POTEF: variants seen among roughly 807,000 people sequenced by gnomAD.
POTEF encodes ANKRD26-like family C member 1B.
Under a neutral mutation model 83.2 loss-of-function variants are expected in POTEF, and 20 were observed. The ratio of observed to expected loss-of-function variants is 0.24; its 90% CI spans 0.17 to 0.35. POTEF has a LOEUF of 0.35. Among genes scored for constraint, POTEF ranks in the 10% least tolerant of loss-of-function variants. POTEF has a pLI of 1.00. For synonymous variants in POTEF, 196 were observed against 446.4 expected, an observed-to-expected ratio of 0.44 and a Z score of 7.07; for missense variants, 550 against 1,203.2, an observed-to-expected ratio of 0.46 and a Z score of 8.03.
At chr2:130,118,462 C>A (rs1474083998) in intron 3 of POTEF, among the ~76,000 whole-genome samples, 1 of 151,748 alleles carries the variant, frequency 6.6e-6, no homozygotes, top group Admixed American at 6.6e-5. Flanking sequence ...TTGGGGAGGC[C>A]AAGGTGGGTG....
chr2:130,110,152 A>C (rs1038133271), intron 7 of POTEF, among the ~76,000 whole-genome samples: 2 of 151,552 alleles, frequency 1.3e-5, no homozygotes, highest in Non-Finnish European at 2.9e-5. Context: ...AAATTCAAGG[A>C]GTATGTAGGA....
At chr2:130,112,125 A>C in intron 5 of POTEF, 24 bp from the exon 6 acceptor site, 1 of 1,406,736 alleles carries the variant, frequency 7.1e-7, no homozygotes, top group Middle Eastern at 2.6e-4. Flanking sequence ...TAAAGCAAAA[A>C]CCTATGTAAT....
rs1410855464 is a variant in POTEF at position 130,120,530 on chromosome 2, C to G, written c.-15G>C. 19 of 1,612,066 alleles carry G rather than the reference C, an allele frequency of 1.2e-5. No individual in the cohort carries two copies. Among genetic ancestry groups the G allele is most frequent in the South Asian group, 7.7e-5 (7 of 90,998 alleles). On this transcript the variant is annotated 5_prime_UTR_variant, in exon 3 of 17. Coordinates refer to ENST00000409914, the MANE Select transcript of POTEF (RefSeq NM_001099771.2). ...TCAACCACCATCTGCTTTTAACAGC[C>G]AGGAGAAGCCAGTAGTAGCCAACAG... is the stretch of plus-strand genomic sequence containing the variant.
chr2:130,085,746 AT>A lies in POTEF; in HGVS notation c.1778+67del, dbSNP rs1683996585. 5.4e-6 allele frequency: 2 copies of A among 368,404 alleles called. 1 individual carries two copies. Among genetic ancestry groups the A allele is most frequent in the Non-Finnish European group, 8.5e-6 (2 of 235,536 alleles). The allele number at this position is 368,404 out of a possible 1,614,324, so 22.8% of individuals were successfully genotyped here. Reference sequence around the variant, plus strand: ...AGTATAAAATTTGTTCATCATGAATATTAGCTCAAATTAGGATTAGTTTGGC... The same window carrying A: ...AGTATAAAATTTGTTCATCATGAATATAGCTCAAATTAGGATTAGTTTGGC... On this transcript the variant is annotated intron_variant, in intron 15 of 16. Transcript: ENST00000409914.
chr2:130,104,246 G>C (rs1684452227), intron 8 of POTEF, among the ~76,000 whole-genome samples: 2 of 144,338 alleles, frequency 1.4e-5, no homozygotes, highest in African/African-American at 5.4e-5. Flanking sequence ...GCTTTCTAAA[G>C]TTATAGTGCC....
intron 3 of POTEF, among the ~76,000 whole-genome samples, chr2:130,118,231 T>C (rs1026721158): frequency 4.6e-5 from 7 of 151,938 alleles, no homozygotes; most frequent in South Asian, 2.1e-4. Context: ...TAAGCCACTG[T>C]ACCCGGCCTT....
chr2:130,122,572 G>A (rs1184049627), intron 2 of POTEF, among the ~76,000 whole-genome samples: 1 of 149,114 alleles, frequency 6.7e-6, no homozygotes, highest in Non-Finnish European at 1.5e-5. Flanking sequence ...CTATTTCTGT[G>A]AAGAATGACA....
At position 130,075,010 on chromosome 2, in the gene POTEF, T is replaced by C. The variant is rs1038388232; in HGVS notation, c.2462A>G (p.Gln821Arg). 1 of 1,613,346 alleles carries C rather than the reference T, an allele frequency of 6.2e-7. No homozygotes were observed. The highest frequency in any genetic ancestry group is 1.3e-5 in the African/African-American group (1 of 74,568). The change falls in exon 17 of 17, where the codon CAG becomes CGG. Residue 821 changes from glutamine (Q) to arginine (R), a missense_variant. By Grantham distance (43) the Gln-to-Arg change is conservative. Transcript: ENST00000409914. ...NPKANREKMT[Q>R]IMFETFNTPA... The stretch of plus-strand genomic sequence containing the variant: ...GGTGTTGAAGGTCTCAAACATGATC[T>C]GGGTCATCTTCTCGCGGTTGGCCTT...
At chr2:130,104,883 G>C (rs1335964878) in intron 8 of POTEF, among the ~76,000 whole-genome samples, 3 of 151,174 alleles carry the variant, frequency 2.0e-5, no homozygotes, top group Non-Finnish European at 2.9e-5. Flanking sequence ...CAAACTAGTA[G>C]GATGCGAGTT....
intron 2 of POTEF, among the ~76,000 whole-genome samples, chr2:130,121,022 G>C (rs1296607021): frequency 6.7e-6 from 1 of 150,322 alleles, no homozygotes; most frequent in East Asian, 2.0e-4. Flanking sequence ...TGCGGCGTGC[G>C]CGTGCAAGCC....
Position 130,120,113 on chromosome 2 carries a change from C to T in POTEF, c.403G>A (p.Val135Ile). The part of the protein sequence containing the change: ...DSAFMEPRYH[V>I]RGEDLDKLHR... ...AGCTTGTCCAGATCTTCTCCACGGA[C>T]GTGGTACCTGGGCTCCATGAAGGCA... Residue 135 changes from valine (V) to isoleucine (I), a missense_variant, in exon 3 of 17, where the codon GTC becomes ATC. Val to Ile is a conservative substitution (Grantham distance 29, BLOSUM62 3). Coordinates refer to ENST00000409914, the MANE Select transcript of POTEF (RefSeq NM_001099771.2). 3.1e-6 allele frequency: 5 copies of T among 1,607,720 alleles called. No homozygotes were observed. The highest frequency in any genetic ancestry group is 4.2e-6 in the Non-Finnish European group (5 of 1,179,260).
chr2:130,104,196 GA>G (rs1272916258), intron 8 of POTEF, among the ~76,000 whole-genome samples: 1 of 149,414 alleles, frequency 6.7e-6, no homozygotes, highest in Non-Finnish European at 1.5e-5. Context: ...AGAAGTCAGA[GA>G]AATTATAATA....
chr2:130,120,518 G>A lies in POTEF; in HGVS notation c.-3C>T, dbSNP rs555847900. ...ATGGAATCAACCTCAACCACCATCTGCTTTTAACAGCCAGGAGAAGCCAGT... is the reference window on the plus strand; with the variant it reads ...ATGGAATCAACCTCAACCACCATCTACTTTTAACAGCCAGGAGAAGCCAGT... On this transcript the variant is annotated 5_prime_UTR_variant, in exon 3 of 17. Coordinates refer to ENST00000409914, the MANE Select transcript of POTEF (RefSeq NM_001099771.2). The A allele has an allele frequency of 8.7e-6, 14 of 1,612,596 alleles. No individual in the cohort carries two copies. Among genetic ancestry groups the A allele is most frequent in the Admixed American group, 6.7e-5 (4 of 60,002 alleles).
intron 8 of POTEF, among the ~76,000 whole-genome samples, chr2:130,105,984 C>A (rs1379671798): frequency 6.6e-6 from 1 of 151,080 alleles, no homozygotes; most frequent in Non-Finnish European, 1.5e-5. Flanking sequence ...GTGACCCAGC[C>A]AGTGAAATGT....
At position 130,120,401 on chromosome 2, in the gene POTEF, C is replaced by T. The variant is rs371345451; in HGVS notation, c.115G>A (p.Gly39Ser). The part of the protein sequence containing the change: ...CRCFPCCRES[G>S]KSNVGTSGDH... The stretch of plus-strand genomic sequence containing the variant: ...CCAGAAGTGCCCACGTTGCTCTTGC[C>T]GCTCTCCCTGCAGCAGGGGAAGCAA... The change falls in exon 3 of 17, where the codon GGC becomes AGC. Residue 39 changes from glycine to serine, a missense_variant. By Grantham distance (56) the Gly-to-Ser change is moderately conservative. Coordinates refer to ENST00000409914, the MANE Select transcript of POTEF (RefSeq NM_001099771.2). 4.7e-5 allele frequency: 76 copies of T among 1,612,320 alleles called. 3 individuals are homozygous for T. The African/African-American group carries it at 9.3e-4, about 20-fold the overall frequency.
rs1684592481 is a variant in POTEF, at chr2:130,108,065, A to G, written c.1070T>C (p.Leu357Pro). ...SSHHHVICQL[L>P]SDYKEKQMLK... ...CATCTGTTTTTCTTTGTAGTCAGAA[A>G]GTAACTGGCAAATTCTATGTATAAA... is the stretch of plus-strand genomic sequence containing the variant. Residue 357 changes from leucine (L) to proline (P), a missense_variant, in exon 8 of 17, where the codon CTT becomes CCT. Leu to Pro is a moderately conservative substitution (Grantham distance 98). Transcript: ENST00000409914. 6.2e-7 allele frequency: 1 copy of G among 1,603,274 alleles called. No homozygotes were observed. Among genetic ancestry groups the G allele is most frequent in the Non-Finnish European group, 8.5e-7 (1 of 1,177,824 alleles).
intron 3 of POTEF, among the ~76,000 whole-genome samples, chr2:130,118,777 G>T (rs62163070): frequency 0.58 from 88,036 of 151,426 alleles, 25,902 homozygotes; most frequent in Admixed American, 0.7. Context: ...TTCTCTTTTT[G>T]TATATTTAAA....
In POTEF at chr2:130,113,024, A is replaced by C. The variant is rs10803614; in HGVS notation, c.811-923T>G. ...TAACTGATGGTAGGAAGGAAAAGGT[A>C]TTATTCTGTAAGCTGATACATACTA... On this transcript the variant is annotated intron_variant, in intron 5 of 16. Coordinates refer to ENST00000409914, the MANE Select transcript of POTEF (RefSeq NM_001099771.2). Among the ~76,000 whole-genome samples the C allele has an allele frequency of 4.5e-3, 675 of 150,802 alleles. 7 individuals carry two copies. Among genetic ancestry groups the C allele is most frequent in the Middle Eastern group, 0.01 (3 of 292 alleles).
rs543106511 is a variant in POTEF, at chr2:130,105,098, C to A, written c.1126+2911G>T. Among the ~76,000 whole-genome samples, 12 of 146,164 alleles carry A rather than the reference C, an allele frequency of 8.2e-5. No individual in the cohort carries two copies. The East Asian group carries it at 2.2e-3, about 26-fold the overall frequency. ...CCTGGAAATTATCTGACATTTCTCTCTGTCCCCCAAGCCTTTCTCATTCAA... is the reference window on the plus strand; with the variant it reads ...CCTGGAAATTATCTGACATTTCTCTATGTCCCCCAAGCCTTTCTCATTCAA... On this transcript the variant is annotated intron_variant, in intron 8 of 16. Transcript: ENST00000409914.
Sources: allele counts gnomAD v4.1 joint callset (sites outside exome capture counted in the v4.1 genomes callset), GRCh38; gene constraint gnomAD v4.1.1; transcripts MANE v1.5; gene names NCBI Gene and HGNC (gene_info 2026-07-23, HGNC 2026-07-21).